The following KCNK16 variants were observed in gnomAD, a reference collection of about 807,000 sequenced individuals.
The protein encoded by KCNK16 is potassium two pore domain channel subfamily K member 16.
In KCNK16, 23 loss-of-function variants were observed where a neutral mutation model predicts 23.0. The observed-to-expected ratio is 1.00, with a 90% CI of 0.72 to 1.41. The LOEUF is 1.41. Ranked by LOEUF, KCNK16 falls within the 40% of genes most tolerant of loss-of-function variation. KCNK16 has a pLI of 0.00. For synonymous variants in KCNK16, 145 were observed against 153.5 expected, an observed-to-expected ratio of 0.94 and a Z score of 0.41; for missense variants, 327 against 365.8, an observed-to-expected ratio of 0.89 and a Z score of 0.87.
chr6:39,319,147 C>A lies in KCNK16; in HGVS notation c.214-14G>T, dbSNP rs753157974. On this transcript the variant is annotated splice_polypyrimidine_tract_variant and intron_variant, in intron 1 of 4. Coordinates refer to ENST00000437525, the MANE Select transcript of KCNK16 (RefSeq NM_001135106.2). This position sits in a 1 kb window ranked among gnomAD's most constrained non-coding sequence, Gnocchi z 4.2. ...TTCCATGATGACCTGTAGGGGGTGG[C>A]ATGGCAGGGGAGGAAGAAGGAGCTG... is the stretch of plus-strand genomic sequence containing the variant. 26 of 1,539,120 alleles carry A rather than the reference C, an allele frequency of 1.7e-5. No homozygotes were observed. The Middle Eastern group carries it at 5.4e-4, about 32-fold the overall frequency.
intron 3 of KCNK16, 53 bp downstream of exon 3, chr6:39,317,733 C>A (rs911216394): frequency 1.4e-6 from 2 of 1,481,192 alleles, no homozygotes; most frequent in African/African-American, 1.4e-5. Context: ...CTGGGGAACT[C>A]CACTTGCAAC....
chr6:39,316,126 T>A, downstream of KCNK16: 1 of 1,417,478 alleles, frequency 7.1e-7, no homozygotes, highest in Non-Finnish European at 9.2e-7. Context: ...AGTGAGGGGG[T>A]TGGGAGAGGA....
In KCNK16 at chr6:39,316,388, C is replaced by T. The variant is rs1364483250; in HGVS notation, c.716G>A (p.Trp239Ter). Residue 239 changes from tryptophan to a stop codon, truncating the protein, a stop_gained, in exon 5 of 5, where the codon TGG becomes TAG. Transcript: ENST00000437525. LOFTEE classifies it high-confidence loss of function. ...ISVYRSLAAI[W>*]ILLGLAWLAL... ...CAGCCACGCCAGGCCCAGGAGGATC[C>T]AGATGGCTGCCAGGCTCCGATACAC... The T allele has an allele frequency of 6.2e-7, 1 of 1,611,526 alleles. No individual in the cohort carries two copies. Among genetic ancestry groups the T allele is most frequent in the Non-Finnish European group, 8.5e-7 (1 of 1,178,956 alleles).
intron 1 of KCNK16, 45 bp downstream of exon 1, chr6:39,322,283 C>T (rs1466862116): frequency 6.3e-7 from 1 of 1,585,002 alleles, no homozygotes; most frequent in Admixed American, 1.7e-5. Flanking sequence ...ATTCCACCAA[C>T]CTTCCCAAGC....
rs923996674 is a variant in KCNK16, at chr6:39,317,939, C to T, written c.342G>A (p.Leu114=). 6.2e-7 allele frequency: 1 copy of T among 1,607,230 alleles called. No individual in the cohort carries two copies. The highest frequency in any genetic ancestry group is 8.5e-7 in the Non-Finnish European group (1 of 1,176,416). ...TVVTTIGYGN[L]APSTEAGQVF... is the part of the protein sequence containing the mutation. ...CCTGACCTGCCTCTGTGCTGGGTGC[C>T]AGGTTCCCATATCCTGCAAGGGAAG... The change falls in exon 3 of 5, where the codon CTG becomes CTA. Residue 114 remains leucine, a synonymous_variant. Coordinates refer to ENST00000437525, the MANE Select transcript of KCNK16 (RefSeq NM_001135106.2).
downstream of KCNK16, chr6:39,314,648 A>G (rs1196874044): frequency 9.7e-6 from 4 of 413,852 alleles, no homozygotes; most frequent in Non-Finnish European, 1.7e-5. Flanking sequence ...GCCCCCTCAC[A>G]TTTCCTGAAA....
rs145712152 is a variant in KCNK16, at chr6:39,320,472, C to T, written c.214-1339G>A. On this transcript the variant is annotated intron_variant, in intron 1 of 4. Transcript: ENST00000437525. Reference sequence around the variant, plus strand: ...GGTTCTGACTTCCCAGTTTTGTGAACCTGGGCAAGCAGTGTTTCGTCACAG... The same window carrying T: ...GGTTCTGACTTCCCAGTTTTGTGAATCTGGGCAAGCAGTGTTTCGTCACAG... 3.1e-3 allele frequency among the ~76,000 whole-genome samples: 473 copies of T among 152,270 alleles called. 2 individuals are homozygous for T. Among genetic ancestry groups the T allele is most frequent in the Middle Eastern group, 0.017 (5 of 294 alleles).
downstream of KCNK16, chr6:39,315,167 C>T: frequency 1.2e-6 from 2 of 1,614,236 alleles, no homozygotes; most frequent in Non-Finnish European, 1.7e-6. Context: ...AGCCCACTTG[C>T]TGTTGGATGA....
intron 2 of KCNK16, 26 bp from the exon 3 acceptor site, chr6:39,317,978 A>C (rs1762390424): frequency 6.3e-7 from 1 of 1,578,916 alleles, no homozygotes; most frequent in Non-Finnish European, 8.6e-7. Flanking sequence ...GGCGTGTGCA[A>C]ATATGGAGAC....
In KCNK16 at chr6:39,317,777, G is replaced by T; in HGVS notation, c.495+9C>A. On this transcript the variant is annotated intron_variant, in intron 3 of 4. Coordinates refer to ENST00000437525, the MANE Select transcript of KCNK16 (RefSeq NM_001135106.2). ...CACAGCAGGCCTGTAAGGGAGTTAG[G>T]GGGCATACCTGGGAGCGCCTGGGAC... is the stretch of plus-strand genomic sequence containing the variant. The T allele has an allele frequency of 6.3e-7, 1 of 1,575,974 alleles. No individual in the cohort carries two copies. Among genetic ancestry groups the T allele is most frequent in the Non-Finnish European group, 8.6e-7 (1 of 1,160,930 alleles).
intron 3 of KCNK16, 136 bp downstream of exon 3, chr6:39,317,650 C>T (rs751585374): frequency 1.5e-5 from 15 of 986,782 alleles, no homozygotes; most frequent in Non-Finnish European, 2.2e-5. Context: ...CCCAACCCTG[C>T]CTTCACCCTT....
intron 3 of KCNK16, among the ~76,000 whole-genome samples, chr6:39,317,347 A>G (rs1011057351): frequency 6.6e-6 from 1 of 152,206 alleles, no homozygotes; most frequent in African/African-American, 2.4e-5. Context: ...CTACTGCACA[A>G]AAGGATGTTG....
At chr6:39,315,266 A>C, downstream of KCNK16, 1 of 1,594,924 alleles carries the variant, frequency 6.3e-7, no homozygotes, top group Non-Finnish European at 8.5e-7. Context: ...TGGCAGGGGA[A>C]AGGCCAGACC....
chr6:39,315,240 C>T, downstream of KCNK16: 3 of 1,611,236 alleles, frequency 1.9e-6, no homozygotes, highest in African/African-American at 1.3e-5. Context: ...CTCTCCTGGT[C>T]AGGGATGTTG....
Position 39,319,006 on chromosome 6 carries a change from C to A in KCNK16, c.328+13G>T. 1 of 1,584,022 alleles carries A rather than the reference C, an allele frequency of 6.3e-7. No homozygotes were observed. The highest frequency in any genetic ancestry group is 8.7e-7 in the Non-Finnish European group (1 of 1,152,536). On this transcript the variant is annotated intron_variant, in intron 2 of 4. Coordinates refer to ENST00000437525, the MANE Select transcript of KCNK16 (RefSeq NM_001135106.2). The surrounding 1 kb of genome is among the most constrained non-coding windows in gnomAD (Gnocchi z 4.2). ...GGGCCTTGGGGAAGCTCTTCTCTACCCCAGCCCTTTACCTATGGTAGTGAC... is the reference window on the plus strand; with the variant it reads ...GGGCCTTGGGGAAGCTCTTCTCTACACCAGCCCTTTACCTATGGTAGTGAC...
chr6:39,314,717 A>G, downstream of KCNK16: 1 of 452,372 alleles, frequency 2.2e-6, no homozygotes, highest in African/African-American at 2.0e-5. Flanking sequence ...GTAGAGACCA[A>G]CTTTATTGTC....
intron 1 of KCNK16, among the ~76,000 whole-genome samples, chr6:39,320,004 C>G (rs979925981): frequency 2.0e-5 from 3 of 152,204 alleles, no homozygotes; most frequent in Non-Finnish European, 4.4e-5. Context: ...TGCCCCAACC[C>G]TCTCCTCTTT....
rs1243488940 is a variant in KCNK16 at position 39,322,682 on chromosome 6, G to C, written c.-142C>G. On this transcript the variant is annotated 5_prime_UTR_variant, in exon 1 of 5. Coordinates refer to ENST00000437525, the MANE Select transcript of KCNK16 (RefSeq NM_001135106.2). Reference sequence around the variant, plus strand: ...CCTCGGCACAGGTGTCTGGAGGCTGGGGAGACTGTTTGAACAGTGCGGCTC... The same window carrying C: ...CCTCGGCACAGGTGTCTGGAGGCTGCGGAGACTGTTTGAACAGTGCGGCTC... 39 of 1,326,242 alleles carry C rather than the reference G, an allele frequency of 2.9e-5. No individual in the cohort carries two copies. Among genetic ancestry groups the C allele is most frequent in the Non-Finnish European group, 3.6e-5 (36 of 996,846 alleles). The allele number at this position is 1,326,242 out of a possible 1,614,324, so 82.2% of individuals were successfully genotyped here. A position where few individuals can be genotyped will look rare whatever the true frequency, so the allele number is the denominator to read the frequency against.
In KCNK16 at chr6:39,317,588, C is replaced by T. The variant is rs138766620; in HGVS notation, c.495+198G>A. Among the ~76,000 whole-genome samples, 132 of 152,332 alleles carry T rather than the reference C, an allele frequency of 8.7e-4. No homozygotes were observed. The Middle Eastern group carries it at 0.014, about 16-fold the overall frequency. On this transcript the variant is annotated intron_variant, in intron 3 of 4. Coordinates refer to ENST00000437525, the MANE Select transcript of KCNK16 (RefSeq NM_001135106.2). The stretch of plus-strand genomic sequence containing the variant: ...ACAGCTCTCACATGCTGTAGAGCTC[C>T]TTGGGGCCAAGCCTTTGTAGAGCAT...
Sources: gnomAD v4.1 joint callset for allele counts (sites outside exome capture counted in the v4.1 genomes callset) on GRCh38, gnomAD v4.1.1 for gene constraint, Gnocchi (gnomAD v3.1) non-coding constraint, MANE v1.5 for transcripts, NCBI Gene and HGNC (gene_info 2026-07-23, HGNC 2026-07-21) for gene names.